Variants in PDE4C observed in about 807,000 individuals in gnomAD.
The protein encoded by PDE4C is phosphodiesterase 4C.
A neutral mutation model predicts 63.9 loss-of-function variants in PDE4C; 50 were observed. The observed-to-expected ratio is 0.78, with a 90% CI of 0.62 to 0.99. The LOEUF (loss-of-function observed/expected upper bound fraction) is 0.99, where lower values mean the gene tolerates loss of function less well. Ranked by LOEUF, PDE4C falls within the 50% of genes least tolerant of loss-of-function variation. PDE4C has a pLI of 0.00. For missense variants in PDE4C, 777 were observed against 899.1 expected (o/e 0.86, Z 1.74); for synonymous variants, 377 against 385.1 (o/e 0.98, Z 0.25).
intron 12 of PDE4C, among the ~76,000 whole-genome samples, 188 bp downstream of exon 12, chr19:18,216,553 G>A (rs1351470550): frequency 6.6e-6 from 1 of 152,152 alleles, no homozygotes; most frequent in East Asian, 1.9e-4. Context: ...AGGATTACAG[G>A]CATGAGCCAC....
intron 7 of PDE4C, chr19:18,219,655 C>A: frequency 2.4e-6 from 1 of 413,628 alleles, no homozygotes; most frequent in African/African-American, 2.1e-5. Flanking sequence ...GAAACCCCAT[C>A]GCTACTAAAA....
At chr19:18,230,292 G>C (rs1968823181), upstream of PDE4C, among the ~76,000 whole-genome samples, 1 of 152,188 alleles carries the variant, frequency 6.6e-6, no homozygotes, top group South Asian at 2.1e-4. Flanking sequence ...GATCACTTGA[G>C]GTCAAGAGTT....
chr19:18,223,368 G>A (rs1264750970), intron 1 of PDE4C, among the ~76,000 whole-genome samples: 3 of 152,154 alleles, frequency 2.0e-5, no homozygotes, highest in African/African-American at 2.4e-5. Flanking sequence ...GTGCCACCAC[G>A]CCCAGCTAAT....
chr19:18,222,700 CTTTTTTT>C (rs1199712120), intron 1 of PDE4C, among the ~76,000 whole-genome samples: 14 of 53,368 alleles, frequency 2.6e-4, no homozygotes, highest in South Asian at 1.7e-3. Context: ...CCTTTCTTTT[CTTTTTTT>C]TTTTTTTTTT....
intron 1 of PDE4C, among the ~76,000 whole-genome samples, chr19:18,240,793 G>A (rs918036461): frequency 2.6e-5 from 4 of 152,234 alleles, no homozygotes; most frequent in African/African-American, 9.6e-5. Flanking sequence ...AGGGCAAAGT[G>A]GGGTGGGAGG....
Position 18,220,795 on chromosome 19 carries a change from C to A in PDE4C, c.499+79G>T. 2 of 1,390,326 alleles carry A rather than the reference C, an allele frequency of 1.4e-6. No homozygotes were observed. The highest frequency in any genetic ancestry group is 2.0e-6 in the Non-Finnish European group (2 of 991,650). The allele number at this position is 1,390,326 out of a possible 1,614,324, so 86.1% of individuals were successfully genotyped here. A position where few individuals can be genotyped will look rare whatever the true frequency, so the allele number is the denominator to read the frequency against. On this transcript the variant is annotated intron_variant, in intron 5 of 14. Coordinates refer to ENST00000262805, the Ensembl canonical transcript of PDE4C. The surrounding 1 kb of genome is among the most constrained non-coding windows in gnomAD (Gnocchi z 5.1). ...CTACAATTAGCCCCAGTATAAGGGG[C>A]TCATGGACTGGGGAGGTCACTATGG...
chr19:18,208,222 A>T (rs1967766342), downstream of PDE4C: 1 of 152,232 alleles, frequency 6.6e-6, no homozygotes. Context: ...AATATTTATG[A>T]ACGAAGCCAG....
chr19:18,226,352 C>G (rs769106677), exon 1 of PDE4C: 12 of 1,521,104 alleles, frequency 7.9e-6, no homozygotes, highest in African/African-American at 1.4e-5. Flanking sequence ...CCGGGGGAGC[C>G]GCGCGGGGAT....
At chr19:18,239,555 C>A (rs1416294632) in intron 1 of PDE4C, among the ~76,000 whole-genome samples, 2 of 152,144 alleles carry the variant, frequency 1.3e-5, no homozygotes. Context: ...GTGCTGTCCG[C>A]GGTGCTGACC....
chr19:18,221,436 G>T, intron 2 of PDE4C, 139 bp from the exon 3 acceptor site: 1 of 775,660 alleles, frequency 1.3e-6, no homozygotes, highest in Non-Finnish European at 2.0e-6. Context: ...GTCCCCTCAT[G>T]CGACTCTCCC....
At chr19:18,210,837 G>A (rs1224819669) in exon 15 of PDE4C, 1 of 1,504,542 alleles carries the variant, frequency 6.6e-7, no homozygotes, top group Non-Finnish European at 8.9e-7. Flanking sequence ...AGTGAAGCAG[G>A]AGCCACATGG....
intron 11 of PDE4C, among the ~76,000 whole-genome samples, chr19:18,217,481 CT>C (rs76822785): frequency 0.56 from 85,203 of 151,968 alleles, 24,765 homozygotes; most frequent in Non-Finnish European, 0.63. Flanking sequence ...ACTCTAGGTC[CT>C]TTTGAGTGAG....
upstream of PDE4C, among the ~76,000 whole-genome samples, chr19:18,238,025 A>T (rs967596472): frequency 2.5e-4 from 38 of 152,170 alleles, no homozygotes; most frequent in African/African-American, 8.4e-4. Flanking sequence ...GGAGTTCTAG[A>T]CCAGCCTGAG....
intron 1 of PDE4C, chr19:18,232,886 A>G: frequency 7.6e-7 from 1 of 1,311,754 alleles, no homozygotes; most frequent in Non-Finnish European, 9.8e-7. Flanking sequence ...ACCCTCCCCC[A>G]CTCCCGCCAG....
At chr19:18,223,137 G>A (rs1251096369) in intron 1 of PDE4C, among the ~76,000 whole-genome samples, 3 of 151,882 alleles carry the variant, frequency 2.0e-5, no homozygotes, top group African/African-American at 4.8e-5. Flanking sequence ...CCACCTCCCG[G>A]GTTCAAGCAA....
chr19:18,225,740 G>A (rs1052018789), intron 1 of PDE4C: 1 of 154,184 alleles, frequency 6.5e-6, no homozygotes, highest in Non-Finnish European at 1.4e-5. Flanking sequence ...CTCAGCCTGG[G>A]ACTCCCGAAC....
the PDE4C span, among the ~76,000 whole-genome samples, chr19:18,254,785 G>A: frequency 9.2e-5 from 14 of 152,346 alleles, no homozygotes; most frequent in African/African-American, 3.4e-4. Context: ...AGGAGAGCAA[G>A]AGGGAATTAA....
At chr19:18,243,481 G>T (rs2148070068) in intron 1 of PDE4C, among the ~76,000 whole-genome samples, 1 of 142,056 alleles carries the variant, frequency 7.0e-6, no homozygotes. Context: ...TGGGGAATGG[G>T]GCTGCCATTA....
At chr19:18,218,521 T>G in intron 9 of PDE4C, 23 bp from the exon 10 acceptor site, 1 of 1,613,624 alleles carries the variant, frequency 6.2e-7, no homozygotes, top group Non-Finnish European at 8.5e-7. Context: ...AGACCCTGGC[T>G]CAGGGCCTTG....
Sources: allele counts gnomAD v4.1 joint callset (sites outside exome capture counted in the v4.1 genomes callset), GRCh38; gene constraint gnomAD v4.1.1; non-coding constraint Gnocchi (gnomAD v3.1); transcripts MANE v1.5; gene names NCBI Gene and HGNC (gene_info 2026-07-23, HGNC 2026-07-21).